Variants in RFX3 observed in about 807,000 individuals in gnomAD.
RFX3 encodes regulatory factor X3, also known as transcription factor RFX3.
In RFX3, 14 loss-of-function variants were observed where a neutral mutation model predicts 98.6. That is an observed-to-expected ratio of 0.14 (90% CI 0.09 to 0.22). The LOEUF (loss-of-function observed/expected upper bound fraction) is 0.22. Among genes scored for constraint, RFX3 ranks in the 10% least tolerant of loss-of-function variants. RFX3 has a pLI of 1.00. For missense variants in RFX3, 639 were observed against 926.9 expected (o/e 0.69, Z 4.03); for synonymous variants, 383 against 328.4 (o/e 1.17, Z -1.80).
intron 2 of RFX3, among the ~76,000 whole-genome samples, chr9:3,388,620 T>C (rs1006524975): frequency 1.3e-5 from 2 of 152,094 alleles, no homozygotes; most frequent in East Asian, 3.9e-4. Flanking sequence ...CTTTCCTGAA[T>C]ATAGTCTTGA....
intron 1 of RFX3, among the ~76,000 whole-genome samples, chr9:3,465,591 G>T (rs539580551): frequency 6.6e-6 from 1 of 151,350 alleles, no homozygotes; most frequent in Non-Finnish European, 1.5e-5. Flanking sequence ...AGCGTGAGCC[G>T]CTGCACTTGG....
chr9:3,288,253 T>G lies in RFX3; in HGVS notation c.732-3A>C, dbSNP rs773441583. On this transcript the variant is annotated splice_polypyrimidine_tract_variant and splice_region_variant and intron_variant, in intron 6 of 16. Transcript: ENST00000617270. The stretch of plus-strand genomic sequence containing the variant: ...AGTAGTGGTATTTGGAGTTTCCTCT[T>G]CATTAATGAACAAGAAACATTAGAA... 11 of 1,611,400 alleles carry G rather than the reference T, an allele frequency of 6.8e-6. No homozygotes were observed. The Admixed American group carries it at 1.8e-4, about 27-fold the overall frequency.
chr9:3,345,118 C>T (rs1278631112), intron 3 of RFX3, among the ~76,000 whole-genome samples: 1 of 151,932 alleles, frequency 6.6e-6, no homozygotes, highest in African/African-American at 2.4e-5. Context: ...ATAATGTTGC[C>T]CTTTATAAGG....
intron 2 of RFX3, among the ~76,000 whole-genome samples, chr9:3,349,661 T>A (rs746738292): frequency 2.6e-5 from 4 of 152,102 alleles, no homozygotes; most frequent in Non-Finnish European, 4.4e-5. Flanking sequence ...TATATCTTTT[T>A]AGACAAACGT....
At chr9:3,426,644 T>C (rs564931615) in intron 1 of RFX3, among the ~76,000 whole-genome samples, 2 of 152,222 alleles carry the variant, frequency 1.3e-5, no homozygotes, top group East Asian at 3.9e-4. Context: ...CATTCGATTC[T>C]CATAGGAATG....
intron 1 of RFX3, among the ~76,000 whole-genome samples, chr9:3,515,693 G>A (rs1818083940): frequency 6.6e-6 from 1 of 152,094 alleles, no homozygotes; most frequent in East Asian, 1.9e-4. Flanking sequence ...CTCTAAAATG[G>A]TTTTGAACAT....
intron 1 of RFX3, among the ~76,000 whole-genome samples, chr9:3,522,039 A>C (rs1227362368): frequency 6.6e-6 from 1 of 152,088 alleles, no homozygotes; most frequent in East Asian, 1.9e-4. Flanking sequence ...CAAAACTTTT[A>C]CTTTAAAAAA....
At chr9:3,431,279 T>C (rs555382139) in intron 1 of RFX3, among the ~76,000 whole-genome samples, 3 of 152,290 alleles carry the variant, frequency 2.0e-5, no homozygotes, top group East Asian at 1.9e-4. Flanking sequence ...AATAACACCA[T>C]GGGTCCCATA....
chr9:3,395,251 T>C (rs1840736415), intron 2 of RFX3, among the ~76,000 whole-genome samples: 1 of 152,196 alleles, frequency 6.6e-6, no homozygotes, highest in South Asian at 2.1e-4. Flanking sequence ...AGAATACAGA[T>C]TATAACTTGA....
chr9:3,338,602 A>C (rs774063434), intron 3 of RFX3, among the ~76,000 whole-genome samples: 4 of 152,192 alleles, frequency 2.6e-5, no homozygotes, highest in Admixed American at 6.5e-5. Context: ...TGCAACACAG[A>C]GAGCTAGGTC....
chr9:3,359,153 G>T (rs1836124309), intron 2 of RFX3, among the ~76,000 whole-genome samples: 1 of 151,880 alleles, frequency 6.6e-6, no homozygotes, highest in Admixed American at 6.6e-5. Flanking sequence ...TGCAATTTGA[G>T]AAGGGATTTT....
At position 3,517,580 on chromosome 9, in the gene RFX3, C is replaced by G. The variant is rs1322408919; in HGVS notation, c.-9+8167G>C. 2.0e-5 allele frequency among the ~76,000 whole-genome samples: 3 copies of G among 152,194 alleles called. No homozygotes were observed. In the East Asian group the frequency reaches 5.8e-4, roughly 29 times the overall value. On this transcript the variant is annotated intron_variant, in intron 1 of 16. Transcript: ENST00000617270. ...CTAAAGCAAAGGCAAGCAGTACTAG[C>G]TGGGTATTACTGCTTCTAATAAAAG...
intron 2 of RFX3, among the ~76,000 whole-genome samples, chr9:3,367,391 T>C (rs1208214829): frequency 3.3e-5 from 5 of 152,184 alleles, no homozygotes; most frequent in Non-Finnish European, 7.3e-5. Context: ...GAGCTTGGAA[T>C]GGATCCTTCC....
chr9:3,298,294 C>A (rs575574457), intron 5 of RFX3, among the ~76,000 whole-genome samples: 1 of 151,900 alleles, frequency 6.6e-6, no homozygotes, highest in South Asian at 2.1e-4. Flanking sequence ...ACCATACATT[C>A]TTTACTCAGA....
At chr9:3,300,038 G>C (rs985263645) in intron 5 of RFX3, among the ~76,000 whole-genome samples, 1 of 150,464 alleles carries the variant, frequency 6.6e-6, no homozygotes, top group Non-Finnish European at 1.5e-5. Context: ...TTGCACATTT[G>C]TGACTAAAAG....
intron 1 of RFX3, among the ~76,000 whole-genome samples, chr9:3,410,912 A>C (rs888721438): frequency 6.6e-6 from 1 of 152,212 alleles, no homozygotes. Flanking sequence ...CCTAATTTAC[A>C]TAAAAGCAGT....
At chr9:3,502,457 A>G (rs1047141790) in intron 1 of RFX3, among the ~76,000 whole-genome samples, 9 of 152,196 alleles carry the variant, frequency 5.9e-5, no homozygotes, top group African/African-American at 1.4e-4. Flanking sequence ...ACTCACTTAT[A>G]TATTTCACAA....
intron 1 of RFX3, chr9:3,400,122 A>T (rs1381004572): frequency 1.2e-5 from 4 of 333,016 alleles, no homozygotes; most frequent in African/African-American, 6.7e-5. Flanking sequence ...TAAAACTATG[A>T]TTTTCCTTAT....
intron 3 of RFX3, among the ~76,000 whole-genome samples, chr9:3,338,023 A>T (rs554816373): frequency 1.3e-5 from 2 of 152,356 alleles, no homozygotes; most frequent in South Asian, 2.1e-4. Flanking sequence ...TCAAGACTGA[A>T]TATCCGAATA....
Sources: allele counts gnomAD v4.1 joint callset (sites outside exome capture counted in the v4.1 genomes callset), GRCh38; gene constraint gnomAD v4.1.1; transcripts MANE v1.5; gene names NCBI Gene and HGNC (gene_info 2026-07-23, HGNC 2026-07-21).